Variants in CADM1 observed in about 807,000 individuals in gnomAD.
CADM1 encodes TSLC-1.
Under a neutral mutation model 53.1 loss-of-function variants are expected in CADM1, and 15 were observed. The ratio of observed to expected loss-of-function variants is 0.28; its 90% confidence interval spans 0.19 to 0.44. The LOEUF is 0.44. Among genes scored for constraint, CADM1 ranks in the 20% least tolerant of loss-of-function variants. The pLI, the probability that CADM1 is intolerant of heterozygous loss-of-function variation, is 1.00. For missense variants in CADM1, 434 were observed against 611.3 expected (o/e 0.71, Z 3.06); for synonymous variants, 281 against 243.0 (o/e 1.16, Z -1.45).
intron 1 of CADM1, among the ~76,000 whole-genome samples, chr11:115,360,661 GA>G (rs1215469278): frequency 6.6e-6 from 1 of 152,202 alleles, no homozygotes. Flanking sequence ...GCACAGAAAG[GA>G]AACTGTACTT....
rs868249182 is a variant in CADM1 at position 115,413,052 on chromosome 11, T to A, written c.124+91219A>T. Among the ~76,000 whole-genome samples the A allele has an allele frequency of 2.0e-5, 3 of 152,160 alleles. No homozygotes were observed. The South Asian group carries it at 6.2e-4, about 32-fold the overall frequency. ...ACCATTTCATTCAGCCATTAAATTA[T>A]TTACTTTCAGGTTTCTTCGTAAAAA... On this transcript the variant is annotated intron_variant, in intron 1 of 11. Transcript: ENST00000331581.
intron 1 of CADM1, among the ~76,000 whole-genome samples, chr11:115,492,925 T>C (rs535548438): frequency 1.9e-4 from 25 of 134,734 alleles, no homozygotes; most frequent in African/African-American, 5.9e-4. Flanking sequence ...AGACAAAGGA[T>C]ATTTTATACA....
chr11:115,298,915 T>C (rs949245107), intron 1 of CADM1, among the ~76,000 whole-genome samples: 31 of 152,264 alleles, frequency 2.0e-4, no homozygotes, highest in African/African-American at 7.0e-4. Flanking sequence ...CTCAATATTA[T>C]AGCCCACTCT....
intron 1 of CADM1, among the ~76,000 whole-genome samples, chr11:115,251,400 A>T (rs924617196): frequency 1.3e-5 from 2 of 150,944 alleles, no homozygotes; most frequent in African/African-American, 4.9e-5. Flanking sequence ...TCAGATATGG[A>T]CTCAGAGTGA....
At chr11:115,445,791 G>A (rs1948437461) in intron 1 of CADM1, 1 of 452,960 alleles carries the variant, frequency 2.2e-6, no homozygotes, top group African/African-American at 2.0e-5. Context: ...GCTGCAGTGA[G>A]CCGAGATTGT....
intron 1 of CADM1, among the ~76,000 whole-genome samples, chr11:115,379,554 C>A (rs1032731222): frequency 2.0e-5 from 3 of 152,184 alleles, no homozygotes; most frequent in African/African-American, 7.2e-5. Flanking sequence ...CACTGACTGA[C>A]AAAGTACTGC....
chr11:115,436,761 G>C (rs1317689256), intron 1 of CADM1, among the ~76,000 whole-genome samples: 1 of 152,156 alleles, frequency 6.6e-6, no homozygotes. Flanking sequence ...TTTCTGAAAG[G>C]GTGGGGCTTT....
In CADM1 at chr11:115,217,959, G is replaced by A; in HGVS notation, c.754C>T (p.Pro252Ser). The change falls in exon 6 of 12, where the codon CCT becomes TCT. Residue 252 changes from proline to serine, a missense_variant. Coordinates refer to ENST00000331581, the MANE Select transcript of CADM1 (RefSeq NM_001301043.2). ...KPQVHIQMTY[P>S]LQGLTREGDA... Reference sequence around the variant, plus strand: ...CCTTCCCGGGTTAAGCCTTGTAGAGGATAAGTCATCTGAATGTGCACTTGA... The same window carrying A: ...CCTTCCCGGGTTAAGCCTTGTAGAGAATAAGTCATCTGAATGTGCACTTGA... 2 of 1,613,410 alleles carry A rather than the reference G, an allele frequency of 1.2e-6. No homozygotes were observed. The highest frequency in any genetic ancestry group is 8.5e-7 in the Non-Finnish European group (1 of 1,179,494).
At chr11:115,451,363 A>T (rs1469818009) in intron 1 of CADM1, among the ~76,000 whole-genome samples, 1 of 152,232 alleles carries the variant, frequency 6.6e-6, no homozygotes, top group Non-Finnish European at 1.5e-5. Flanking sequence ...GTAAGAATTC[A>T]GCACAATCCC....
intron 1 of CADM1, among the ~76,000 whole-genome samples, chr11:115,315,051 GTGCTAGGCATA>G (rs1944625762): frequency 6.6e-6 from 1 of 152,180 alleles, no homozygotes; most frequent in African/African-American, 2.4e-5. Context: ...GCTCTCAGCA[GTGCTAGGCATA>G]TGCAAGAGAA....
intron 1 of CADM1, among the ~76,000 whole-genome samples, chr11:115,438,237 T>A (rs1948226418): frequency 1.3e-5 from 2 of 152,168 alleles, no homozygotes; most frequent in Non-Finnish European, 1.5e-5. Flanking sequence ...TTGCTTGTGT[T>A]CTGCTTGGTC....
intron 3 of CADM1, among the ~76,000 whole-genome samples, chr11:115,231,843 G>A (rs1039617998): frequency 2.6e-5 from 4 of 151,996 alleles, no homozygotes; most frequent in Non-Finnish European, 2.9e-5. Context: ...AAAATTATCC[G>A]GGCACGGCGG....
chr11:115,269,399 TGCCCTCTTTGTAG>T (rs1313731992), intron 1 of CADM1, among the ~76,000 whole-genome samples: 1 of 152,226 alleles, frequency 6.6e-6, no homozygotes, highest in Non-Finnish European at 1.5e-5. Context: ...CACGCTTCGA[TGCCCTCTTTGTAG>T]GCCCTCCATT....
intron 1 of CADM1, among the ~76,000 whole-genome samples, chr11:115,431,394 T>TACAA (rs1293626170): frequency 6.6e-6 from 1 of 152,074 alleles, no homozygotes; most frequent in African/African-American, 2.4e-5. Flanking sequence ...ACCACCCTAA[T>TACAA]ACAAGCCACT....
intron 1 of CADM1, among the ~76,000 whole-genome samples, chr11:115,312,298 C>A (rs1030484348): frequency 1.3e-5 from 2 of 152,172 alleles, no homozygotes; most frequent in African/African-American, 4.8e-5. Flanking sequence ...ACATTAAGCA[C>A]ATTCACAAGA....
chr11:115,413,471 CTT>C (rs982659022), intron 1 of CADM1, among the ~76,000 whole-genome samples: 3 of 152,058 alleles, frequency 2.0e-5, no homozygotes, highest in African/African-American at 4.8e-5. Context: ...GTTCTAGACA[CTT>C]TGTACATTAA....
chr11:115,238,203 G>T (rs886463078), intron 3 of CADM1, among the ~76,000 whole-genome samples: 1 of 152,178 alleles, frequency 6.6e-6, no homozygotes, highest in Non-Finnish European at 1.5e-5. Context: ...CCGGTAGTTA[G>T]AAGTAATAAC....
At chr11:115,318,256 T>C (rs910274190) in intron 1 of CADM1, among the ~76,000 whole-genome samples, 2 of 152,180 alleles carry the variant, frequency 1.3e-5, no homozygotes, top group African/African-American at 4.8e-5. Flanking sequence ...TTCATATTCA[T>C]ACATTTAGAT....
At chr11:115,205,966 T>G (rs545182965) in intron 8 of CADM1, among the ~76,000 whole-genome samples, 1 of 152,268 alleles carries the variant, frequency 6.6e-6, no homozygotes, top group South Asian at 2.1e-4. Flanking sequence ...GCACCCTAAG[T>G]TGAAAACATT....
Sources: gnomAD v4.1 joint callset for allele counts (sites outside exome capture counted in the v4.1 genomes callset) on GRCh38, gnomAD v4.1.1 for gene constraint, MANE v1.5 for transcripts, NCBI Gene and HGNC (gene_info 2026-07-23, HGNC 2026-07-21) for gene names.